CACNA2D3: variants seen among roughly 807,000 people sequenced by gnomAD.
The protein encoded by CACNA2D3 is calcium voltage-gated channel auxiliary subunit alpha2delta 3.
In CACNA2D3, 60 loss-of-function variants were observed where a neutral mutation model predicts 160.6. The observed-to-expected ratio is 0.37, with a 90% CI of 0.30 to 0.46. The LOEUF (loss-of-function observed/expected upper bound fraction) is 0.46, where lower values mean the gene tolerates loss of function less well. CACNA2D3 is among the 20% of genes least tolerant of loss of function. CACNA2D3 has a pLI of 1.00. For missense variants in CACNA2D3, 1,205 were observed against 1,365.0 expected, an observed-to-expected ratio of 0.88 and a Z score of 1.85; for synonymous variants, 558 against 492.9, an observed-to-expected ratio of 1.13 and a Z score of -1.75.
chr3:54,638,835 A>G (rs1010131917), intron 10 of CACNA2D3: 3 of 152,028 alleles, frequency 2.0e-5, no homozygotes, highest in African/African-American at 7.3e-5. Flanking sequence ...ATTGGGGTCA[A>G]GTGGCATTGC....
intron 34 of CACNA2D3, 96 bp downstream of exon 34, chr3:55,009,539 TC>T: frequency 8.7e-7 from 1 of 1,150,380 alleles, no homozygotes; most frequent in Non-Finnish European, 1.3e-6. Flanking sequence ...CACAGAAAAT[TC>T]CCCAGGACAA....
intron 29 of CACNA2D3, 78 bp downstream of exon 29, chr3:54,969,922 C>T: frequency 7.8e-7 from 1 of 1,287,314 alleles, no homozygotes; most frequent in South Asian, 1.3e-5. Flanking sequence ...GAGGGAATGC[C>T]CTTATAAACA....
intron 13 of CACNA2D3, among the ~76,000 whole-genome samples, chr3:54,778,241 C>T (rs1702460117): frequency 6.6e-6 from 1 of 152,118 alleles, no homozygotes. Flanking sequence ...ACATCAGCAG[C>T]AATGATCCAG....
At chr3:54,149,715 A>G (rs1700102852) in intron 2 of CACNA2D3, among the ~76,000 whole-genome samples, 1 of 152,146 alleles carries the variant, frequency 6.6e-6, no homozygotes, top group African/African-American at 2.4e-5. Flanking sequence ...GAGGACAGCA[A>G]GCTCGGTCCC....
At chr3:54,871,288 C>T (rs952896843) in intron 17 of CACNA2D3, among the ~76,000 whole-genome samples, 3 of 151,828 alleles carry the variant, frequency 2.0e-5, no homozygotes, top group African/African-American at 7.3e-5. Context: ...AAGAAGTCTA[C>T]AAGGTAAATT....
intron 17 of CACNA2D3, among the ~76,000 whole-genome samples, chr3:54,854,701 C>G (rs1389956288): frequency 6.6e-6 from 1 of 152,010 alleles, no homozygotes; most frequent in Non-Finnish European, 1.5e-5. Context: ...GCGTGGAGTG[C>G]TCACCACAGA....
chr3:54,363,176 A>G (rs1391434508), intron 3 of CACNA2D3, among the ~76,000 whole-genome samples: 1 of 151,390 alleles, frequency 6.6e-6, no homozygotes, highest in Non-Finnish European at 1.5e-5. Context: ...GCCTAGCGAT[A>G]GAGCGAGACT....
intron 21 of CACNA2D3, among the ~76,000 whole-genome samples, chr3:54,881,469 C>T (rs1040945047): frequency 2.0e-5 from 3 of 152,216 alleles, no homozygotes; most frequent in Non-Finnish European, 4.4e-5. Flanking sequence ...AGTAAACTCT[C>T]AGTAAACAGG....
chr3:54,945,662 G>T (rs886359741), intron 27 of CACNA2D3, among the ~76,000 whole-genome samples: 1 of 152,188 alleles, frequency 6.6e-6, no homozygotes, highest in Non-Finnish European at 1.5e-5. Flanking sequence ...ATCCAGTGCA[G>T]TCAGTCCCCA....
At chr3:54,549,930 C>T (rs576249441) in intron 5 of CACNA2D3, among the ~76,000 whole-genome samples, 26 of 152,200 alleles carry the variant, frequency 1.7e-4, no homozygotes, top group Admixed American at 1.4e-3. Flanking sequence ...TTCTCTCTTC[C>T]GAAAGGTTAA....
At chr3:54,827,874 C>T (rs1313042838) in intron 14 of CACNA2D3, among the ~76,000 whole-genome samples, 1 of 152,178 alleles carries the variant, frequency 6.6e-6, no homozygotes, top group African/African-American at 2.4e-5. Context: ...TGCTAAATGC[C>T]GTGGATGAAA....
chr3:54,482,108 CA>C (rs1232527148), intron 4 of CACNA2D3, among the ~76,000 whole-genome samples: 1 of 152,206 alleles, frequency 6.6e-6, no homozygotes, highest in Non-Finnish European at 1.5e-5. Flanking sequence ...AACTCTCTAA[CA>C]GTGTTTCTTT....
At chr3:55,043,588 C>T (rs1704008340) in intron 35 of CACNA2D3, among the ~76,000 whole-genome samples, 1 of 152,012 alleles carries the variant, frequency 6.6e-6, no homozygotes, top group African/African-American at 2.4e-5. Flanking sequence ...TGGCCTGCAG[C>T]TTGTCTTTTC....
At chr3:54,818,370 A>G (rs1703509611) in intron 14 of CACNA2D3, among the ~76,000 whole-genome samples, 1 of 152,162 alleles carries the variant, frequency 6.6e-6, no homozygotes, top group South Asian at 2.1e-4. Context: ...TAGTAGAGAC[A>G]GGGTTTTGCC....
At chr3:54,741,486 G>A (rs1701648144) in intron 11 of CACNA2D3, among the ~76,000 whole-genome samples, 1 of 152,060 alleles carries the variant, frequency 6.6e-6, no homozygotes, top group African/African-American at 2.4e-5. Flanking sequence ...GGGCAAGGTG[G>A]CTCAACGCCA....
intron 5 of CACNA2D3, among the ~76,000 whole-genome samples, chr3:54,503,923 A>G (rs1055023882): frequency 4.6e-5 from 7 of 152,116 alleles, no homozygotes; most frequent in Non-Finnish European, 8.8e-5. Context: ...AAAGGACCAG[A>G]TAGTAAATAT....
intron 27 of CACNA2D3, among the ~76,000 whole-genome samples, chr3:54,951,780 G>A (rs1003047285): frequency 6.6e-6 from 1 of 152,202 alleles, no homozygotes; most frequent in Non-Finnish European, 1.5e-5. Context: ...ATAACACAGG[G>A]TGGGTTCCTG....
At chr3:54,600,186 G>A (rs891360479) in intron 9 of CACNA2D3, among the ~76,000 whole-genome samples, 1 of 152,106 alleles carries the variant, frequency 6.6e-6, no homozygotes, top group Non-Finnish European at 1.5e-5. Flanking sequence ...TTGGGTAGAA[G>A]GTCTGAAAAA....
rs60020847 is a variant in CACNA2D3, at chr3:54,832,011, T to TCACACACACACA, written c.1399-5114_1399-5103dup. On this transcript the variant is annotated intron_variant, in intron 14 of 37. Transcript: ENST00000474759. ...TCCCTCTTTATCTCTCTCTTCTCTG[T>TCACACACACACA]CACACACACACACACACACACACAC... is the stretch of plus-strand genomic sequence containing the variant. Among the ~76,000 whole-genome samples, 83 of 118,860 alleles carry TCACACACACACA rather than the reference T, an allele frequency of 7.0e-4. 1 individual carries two copies. Among genetic ancestry groups the TCACACACACACA allele is most frequent in the East Asian group, 1.0e-3 (4 of 3,968 alleles). The allele number at this position is 118,860 out of a possible 152,430, so 78.0% of individuals were successfully genotyped here.
Sources: gnomAD v4.1 joint callset for allele counts (sites outside exome capture counted in the v4.1 genomes callset) on GRCh38, gnomAD v4.1.1 for gene constraint, MANE v1.5 for transcripts, NCBI Gene and HGNC (gene_info 2026-07-23, HGNC 2026-07-21) for gene names.